C2CD3: variants seen among roughly 807,000 people sequenced by gnomAD.
C2CD3 encodes C2 domain containing 3 centriole elongation regulator, also known as C2 domain-containing protein 3.
A neutral mutation model predicts 234.0 loss-of-function variants in C2CD3; 148 were observed. The ratio of observed to expected loss-of-function variants is 0.63; its 90% CI spans 0.55 to 0.72. The LOEUF is 0.72. Ranked by LOEUF, C2CD3 falls within the 30% of genes least tolerant of loss-of-function variation. The pLI, the probability that C2CD3 is intolerant of heterozygous loss-of-function variation, is 0.00. For missense variants in C2CD3, 2,577 were observed against 2,811.5 expected (o/e 0.92, Z 1.89); for synonymous variants, 1,000 against 1,035.4 (o/e 0.97, Z 0.66).
At chr11:74,113,631 G>T in intron 11 of C2CD3, 149 bp downstream of exon 11, 1 of 652,586 alleles carries the variant, frequency 1.5e-6, no homozygotes. Context: ...AGTGAGCAGA[G>T]ATTGCGCCAC....
intron 23 of C2CD3, among the ~76,000 whole-genome samples, chr11:74,076,014 G>C (rs1462627414): frequency 6.6e-6 from 1 of 152,202 alleles, no homozygotes; most frequent in Non-Finnish European, 1.5e-5. Flanking sequence ...AGAAGTATTT[G>C]TGCTTGAGTT....
chr11:74,132,902 T>C lies in C2CD3; in HGVS notation c.1159A>G (p.Thr387Ala), dbSNP rs1279365100. The change falls in exon 7 of 33, where the codon ACA (threonine) becomes GCA (alanine). Residue 387 changes from threonine to alanine, a missense_variant. Thr to Ala is a moderately conservative substitution (Grantham distance 58, BLOSUM62 0). Coordinates refer to ENST00000334126, the MANE Select transcript of C2CD3 (RefSeq NM_001286577.2). ...GCTTTTGTGTCATGTCTCCAAAATG[T>C]ATTCTCAGTTGAAGGGAGGAGGTGA... is the stretch of plus-strand genomic sequence containing the variant. ...EDHLLPSTENTFWRHDTKADT... is the reference protein window; with the variant it reads ...EDHLLPSTENAFWRHDTKADT... 2 of 1,613,662 alleles carry C rather than the reference T, an allele frequency of 1.2e-6. No homozygotes were observed. The highest frequency in any genetic ancestry group is 1.7e-6 in the Non-Finnish European group (2 of 1,179,696).
chr11:74,131,500 G>T (rs1957680540), intron 7 of C2CD3, among the ~76,000 whole-genome samples: 1 of 151,952 alleles, frequency 6.6e-6, no homozygotes, highest in Admixed American at 6.6e-5. Flanking sequence ...CGGTTTGCAA[G>T]TATTTTCTGG....
In C2CD3 at chr11:74,165,830, AT is replaced by A. The variant is rs538817158; in HGVS notation, c.325+2513del. Among the ~76,000 whole-genome samples the A allele has an allele frequency of 5.3e-5, 8 of 151,376 alleles. No homozygotes were observed. The East Asian group carries it at 7.8e-4, about 15-fold the overall frequency. On this transcript the variant is annotated intron_variant, in intron 2 of 32. Transcript: ENST00000334126. ...CCACCATGCCCAGCTAATTAAAAAA[AT>A]TTTTTTTTGTAGAAACAGGGTCTTG... is the stretch of plus-strand genomic sequence containing the variant.
intron 3 of C2CD3, among the ~76,000 whole-genome samples, chr11:74,140,052 G>C (rs1790384): frequency 0.031 from 1,474 of 46,910 alleles, 498 homozygotes; most frequent in East Asian, 0.052. Context: ...CCATTCCCTA[G>C]AGGATTGTAA....
rs1269978540 is a variant in C2CD3 at position 74,084,983 on chromosome 11, GC to G, written c.3911-14del. 6.6e-7 allele frequency: 1 copy of G among 1,517,430 alleles called. No homozygotes were observed. The highest frequency in any genetic ancestry group is 2.3e-5 in the East Asian group (1 of 44,300). 94.0% of individuals were successfully genotyped at this position (1,517,430 alleles called of 1,614,324 possible). ...ATTATATCACTTGCTGTTAAATCAAGCAAAAAAGAAAAATTATTTGATGGTC... is the reference window on the plus strand; with the variant it reads ...ATTATATCACTTGCTGTTAAATCAAGAAAAAAGAAAAATTATTTGATGGTC... On this transcript the variant is annotated splice_polypyrimidine_tract_variant and intron_variant, in intron 21 of 32. Coordinates refer to ENST00000334126, the MANE Select transcript of C2CD3 (RefSeq NM_001286577.2).
At chr11:74,132,721 G>C in intron 7 of C2CD3, 123 bp downstream of exon 7, 1 of 894,858 alleles carries the variant, frequency 1.1e-6, no homozygotes, top group Non-Finnish European at 1.7e-6. Flanking sequence ...GATAGTTTAA[G>C]GAATAGGGAA....
chr11:74,116,366 A>G (rs150012065), intron 9 of C2CD3, among the ~76,000 whole-genome samples: 1,824 of 152,278 alleles, frequency 0.012, 36 homozygotes, highest in African/African-American at 0.042. Context: ...CAACAAACGT[A>G]TGAAAATATG....
rs1488438488 is a variant in C2CD3 at position 74,168,585 on chromosome 11, G to C, written c.84C>G (p.Ser28Arg). 2 of 1,614,020 alleles carry C rather than the reference G, an allele frequency of 1.2e-6. No homozygotes were observed. The highest frequency in any genetic ancestry group is 4.5e-5 in the East Asian group (2 of 44,898). ...RGLSDISPST[S>R]LPPLVEGQLR... is the part of the protein sequence containing the mutation. ...GCTGGCCTTCAACCAGAGGTGGCAG[G>C]CTTGTAGATGGAGAAATGTCACTTA... The change falls in exon 2 of 33, where the codon AGC (serine) becomes AGG (arginine). Residue 28 changes from serine to arginine, a missense_variant. Transcript: ENST00000334126.
chr11:74,021,506 T>C (rs1039977304), intron 32 of C2CD3, among the ~76,000 whole-genome samples: 1 of 151,662 alleles, frequency 6.6e-6, no homozygotes, highest in Admixed American at 6.6e-5. Flanking sequence ...GAAGAAGAAG[T>C]AGGGGAAATG....
rs1393873218 is a variant in C2CD3 at position 74,132,879 on chromosome 11, T to A, written c.1182A>T (p.Lys394Asn). 1 of 1,613,886 alleles carries A rather than the reference T, an allele frequency of 6.2e-7. No individual in the cohort carries two copies. Among genetic ancestry groups the A allele is most frequent in the African/African-American group, 1.3e-5 (1 of 74,924 alleles). ...TENTFWRHDT[K>N]ADTRAIQLLL... ...GCAGCTGTATAGCTCTGGTATCAGC[T>A]TTTGTGTCATGTCTCCAAAATGTAT... is the stretch of plus-strand genomic sequence containing the variant. Residue 394 changes from lysine to asparagine, a missense_variant, in exon 7 of 33, where the codon AAA becomes AAT. Coordinates refer to ENST00000334126, the MANE Select transcript of C2CD3 (RefSeq NM_001286577.2).
chr11:74,144,816 T>C (rs1034630010), intron 3 of C2CD3, among the ~76,000 whole-genome samples: 1 of 152,190 alleles, frequency 6.6e-6, no homozygotes, highest in Non-Finnish European at 1.5e-5. Context: ...TTTTCCATAG[T>C]GTATACGTAC....
intron 32 of C2CD3, among the ~76,000 whole-genome samples, chr11:74,026,644 T>G (rs1952309499): frequency 6.6e-6 from 1 of 152,132 alleles, no homozygotes; most frequent in Non-Finnish European, 1.5e-5. Context: ...TTTCAGGTGG[T>G]GTAATAGAAG....
intron 3 of C2CD3, among the ~76,000 whole-genome samples, chr11:74,141,884 C>A (rs989389265): frequency 1.3e-5 from 2 of 151,964 alleles, no homozygotes; most frequent in African/African-American, 4.8e-5. Flanking sequence ...ACCTTGAAGT[C>A]CTAGCTACTC....
At chr11:74,062,039 A>G (rs1242384158) in intron 24 of C2CD3, among the ~76,000 whole-genome samples, 2 of 152,218 alleles carry the variant, frequency 1.3e-5, no homozygotes, top group East Asian at 3.8e-4. Context: ...GCCATTACAT[A>G]ATGGTAAAGG....
At chr11:74,147,266 A>G (rs1349093211) in intron 3 of C2CD3, among the ~76,000 whole-genome samples, 1 of 151,956 alleles carries the variant, frequency 6.6e-6, no homozygotes, top group Non-Finnish European at 1.5e-5. Flanking sequence ...AAATACAAAA[A>G]TTAGCCAGGT....
intron 19 of C2CD3, among the ~76,000 whole-genome samples, chr11:74,092,058 A>T (rs1027143351): frequency 4.6e-5 from 7 of 151,126 alleles, no homozygotes; most frequent in African/African-American, 1.5e-4. Context: ...ATATATATAT[A>T]TATTTTTTTT....
intron 5 of C2CD3, among the ~76,000 whole-genome samples, chr11:74,137,189 T>G (rs1453863054): frequency 6.6e-6 from 1 of 151,666 alleles, no homozygotes; most frequent in Non-Finnish European, 1.5e-5. Context: ...AACATCCCCT[T>G]CTCTCACCTT....
At chr11:74,100,990 T>A (rs1956294262) in intron 14 of C2CD3, among the ~76,000 whole-genome samples, 1 of 152,186 alleles carries the variant, frequency 6.6e-6, no homozygotes, top group Non-Finnish European at 1.5e-5. Flanking sequence ...TCCAACCCTT[T>A]CTAAGGCAAA....
Sources: allele counts gnomAD v4.1 joint callset (sites outside exome capture counted in the v4.1 genomes callset), GRCh38; gene constraint gnomAD v4.1.1; transcripts MANE v1.5; gene names NCBI Gene and HGNC (gene_info 2026-07-23, HGNC 2026-07-21).